Variants in DDAH1 observed in about 807,000 individuals in gnomAD.
DDAH1 encodes the protein N(G),N(G)-dimethylarginine dimethylaminohydrolase 1.
In DDAH1, 19 loss-of-function variants were observed where a neutral mutation model predicts 28.8. The observed-to-expected ratio is 0.66, with a 90% confidence interval of 0.46 to 0.97. The LOEUF is 0.97. Among genes scored for constraint, DDAH1 ranks in the 50% least tolerant of loss-of-function variants. DDAH1 has a pLI of 0.00. For missense variants in DDAH1, 326 were observed against 375.9 expected (o/e 0.87, Z 1.10); for synonymous variants, 153 against 154.4 (o/e 0.99, Z 0.07).
intron 1 of DDAH1, among the ~76,000 whole-genome samples, chr1:85,359,300 C>T (rs1649662116): frequency 6.6e-6 from 1 of 152,018 alleles, no homozygotes; most frequent in Admixed American, 6.6e-5. Flanking sequence ...TGGAGGCTAA[C>T]CAGTTAGGGC....
intron 1 of DDAH1, among the ~76,000 whole-genome samples, chr1:85,410,327 T>C (rs201084609): frequency 6.6e-6 from 1 of 151,580 alleles, no homozygotes; most frequent in East Asian, 1.9e-4. Flanking sequence ...AATGTAATAA[T>C]GTTTATCTCT....
At chr1:85,407,570 G>A (rs1570499553) in intron 1 of DDAH1, among the ~76,000 whole-genome samples, 1 of 152,108 alleles carries the variant, frequency 6.6e-6, no homozygotes, top group Non-Finnish European at 1.5e-5. Flanking sequence ...ATTAGACAAT[G>A]GCTGCTACTA....
chr1:85,383,271 C>G (rs1280346155), intron 1 of DDAH1, among the ~76,000 whole-genome samples: 1 of 152,136 alleles, frequency 6.6e-6, no homozygotes, highest in Non-Finnish European at 1.5e-5. Flanking sequence ...GAACCTGATT[C>G]CAACTTTGAA....
intron 1 of DDAH1, among the ~76,000 whole-genome samples, chr1:85,444,735 G>A (rs1179230100): frequency 6.6e-6 from 1 of 152,202 alleles, no homozygotes; most frequent in African/African-American, 2.4e-5. Flanking sequence ...GGTCACAGGT[G>A]CTGTGGGAAA....
intron 1 of DDAH1, among the ~76,000 whole-genome samples, chr1:85,441,820 A>C (rs1459214311): frequency 6.6e-6 from 1 of 152,206 alleles, no homozygotes; most frequent in Non-Finnish European, 1.5e-5. Context: ...CAGAAGAAAG[A>C]TCTGTCTTAT....
chr1:85,389,810 A>G (rs765788134), intron 1 of DDAH1, among the ~76,000 whole-genome samples: 5 of 152,178 alleles, frequency 3.3e-5, no homozygotes, highest in Admixed American at 1.3e-4. Flanking sequence ...CTAAAAGACA[A>G]TGGAAGCAAA....
intron 1 of DDAH1, among the ~76,000 whole-genome samples, chr1:85,396,582 T>C (rs1486768476): frequency 6.6e-6 from 1 of 152,100 alleles, no homozygotes; most frequent in Non-Finnish European, 1.5e-5. Context: ...AACATGAGAT[T>C]TGGGGGACAA....
At chr1:85,545,894 C>G (rs1004586307) in intron 1 of DDAH1, among the ~76,000 whole-genome samples, 1 of 152,028 alleles carries the variant, frequency 6.6e-6, no homozygotes, top group African/African-American at 2.4e-5. Context: ...TGGTGCCAAA[C>G]TCCCTGAGTT....
chr1:85,477,487 A>G (rs1397979986), intron 2 of DDAH1, among the ~76,000 whole-genome samples: 2 of 152,178 alleles, frequency 1.3e-5, no homozygotes, highest in East Asian at 3.9e-4. Context: ...CGAAGAAAAC[A>G]TTATCTACCG....
At chr1:85,507,431 A>G (rs1657053672) in intron 1 of DDAH1, among the ~76,000 whole-genome samples, 1 of 151,998 alleles carries the variant, frequency 6.6e-6, no homozygotes, top group South Asian at 2.1e-4. Context: ...TGAGCCCAGG[A>G]GGTTGAGGCT....
At chr1:85,552,502 C>T (rs980057894) in intron 1 of DDAH1, among the ~76,000 whole-genome samples, 4 of 152,150 alleles carry the variant, frequency 2.6e-5, no homozygotes, top group Non-Finnish European at 4.4e-5. Flanking sequence ...ACTTGTCCAA[C>T]GAAGTCTAGC....
intron 1 of DDAH1, among the ~76,000 whole-genome samples, chr1:85,401,146 G>A (rs1019608796): frequency 4.6e-5 from 7 of 152,124 alleles, no homozygotes; most frequent in Non-Finnish European, 8.8e-5. Flanking sequence ...GGCGATCTTC[G>A]TGCTGCTCAA....
chr1:85,327,449 C>T (rs1647478301), intron 4 of DDAH1, among the ~76,000 whole-genome samples: 1 of 152,182 alleles, frequency 6.6e-6, no homozygotes, highest in African/African-American at 2.4e-5. Context: ...CTTAGCATCC[C>T]TTCTACCTAG....
chr1:85,323,737 G>C (rs967639576), intron 5 of DDAH1, among the ~76,000 whole-genome samples: 1 of 152,114 alleles, frequency 6.6e-6, no homozygotes, highest in Admixed American at 6.5e-5. Context: ...TTGGGAGGCT[G>C]AAGTGGGAGG....
intron 1 of DDAH1, among the ~76,000 whole-genome samples, chr1:85,572,275 T>C (rs752771759): frequency 1.5e-4 from 23 of 152,284 alleles, no homozygotes; most frequent in Non-Finnish European, 2.8e-4. Context: ...CCACAGTTAC[T>C]GAAAACACAA....
Position 85,464,277 on chromosome 1 carries a change from C to A in DDAH1, c.303+466G>T, listed in dbSNP as rs569055955. 5.9e-5 allele frequency among the ~76,000 whole-genome samples: 9 copies of A among 152,160 alleles called. No individual in the cohort carries two copies. The highest frequency in any genetic ancestry group is 1.0e-4 in the Non-Finnish European group (7 of 68,040). ...GGGCACCGACACCCCGTTAATTCAT[C>A]CAGCTTGTCCTGCTCCGAGCGCCAG... On this transcript the variant is annotated intron_variant, in intron 1 of 5. Transcript: ENST00000284031. The surrounding 1 kb of genome is among the most constrained non-coding windows in gnomAD (Gnocchi z 4.4).
chr1:85,516,188 A>G (rs1196449586), intron 1 of DDAH1, among the ~76,000 whole-genome samples: 2 of 151,986 alleles, frequency 1.3e-5, no homozygotes, highest in Non-Finnish European at 2.9e-5. Flanking sequence ...CAACATATGA[A>G]TTTGCTAGGG....
chr1:85,404,354 G>A, intron 1 of DDAH1: 15 of 1,534,052 alleles, frequency 9.8e-6, no homozygotes, highest in Non-Finnish European at 1.3e-5. Context: ...ATTCTAGAAG[G>A]TACTGCTAAG....
chr1:85,520,902 G>T (rs1259805087), intron 1 of DDAH1, among the ~76,000 whole-genome samples: 2 of 152,104 alleles, frequency 1.3e-5, no homozygotes, highest in Non-Finnish European at 2.9e-5. Context: ...TTATACATTC[G>T]CTGGCTCCAC....
Sources: allele counts gnomAD v4.1 joint callset (sites outside exome capture counted in the v4.1 genomes callset), GRCh38; gene constraint gnomAD v4.1.1; non-coding constraint Gnocchi (gnomAD v3.1); transcripts MANE v1.5; gene names NCBI Gene and HGNC (gene_info 2026-07-23, HGNC 2026-07-21).